PLEKHB1: variants seen among roughly 807,000 people sequenced by gnomAD.
PLEKHB1 encodes pleckstrin homology domain-containing family B member 1.
In PLEKHB1, 29 loss-of-function variants were observed where a neutral mutation model predicts 36.2. The ratio of observed to expected loss-of-function variants is 0.80; its 90% CI spans 0.60 to 1.09. The LOEUF (loss-of-function observed/expected upper bound fraction) is 1.09, where lower values mean the gene tolerates loss of function less well. Ranked by LOEUF, PLEKHB1 falls within the 50% of genes least tolerant of loss-of-function variation. The probability of loss-of-function intolerance (pLI) is 0.00; values close to 1 mark genes in which losing one functional copy is unlikely to be tolerated. For synonymous variants in PLEKHB1, 138 were observed against 140.0 expected (o/e 0.99, Z 0.10); for missense variants, 330 against 348.2 (o/e 0.95, Z 0.42).
chr11:73,648,738 G>A (rs1466596141), intron 1 of PLEKHB1: 3 of 1,212,074 alleles, frequency 2.5e-6, no homozygotes, highest in Non-Finnish European at 3.1e-6. Flanking sequence ...CCAGGGAGGA[G>A]GGATATGGCC....
At chr11:73,648,775 C>T in intron 1 of PLEKHB1, 2 of 1,275,168 alleles carry the variant, frequency 1.6e-6, no homozygotes, top group Non-Finnish European at 2.0e-6. Context: ...GGCTGGAATC[C>T]AGGCTCCTGG....
chr11:73,647,658 G>A (rs1944793421), intron 1 of PLEKHB1: 2 of 985,346 alleles, frequency 2.0e-6, no homozygotes, highest in South Asian at 4.7e-5. Context: ...GGCACACAAA[G>A]CGCAGGCGCA....
chr11:73,651,879 G>A lies in PLEKHB1; in HGVS notation c.339G>A (p.Lys113=). The A allele has an allele frequency of 1.2e-6, 2 of 1,613,358 alleles. No individual in the cohort carries two copies. The highest frequency in any genetic ancestry group is 1.7e-6 in the Non-Finnish European group (2 of 1,179,840). The change falls in exon 4 of 8, where the codon AAG becomes AAA. Residue 113 remains lysine (K), a synonymous_variant. Coordinates refer to ENST00000354190, the MANE Select transcript of PLEKHB1 (RefSeq NM_021200.3). The part of the protein sequence containing the change: ...GGRLHLCAET[K]DDALAWKTAL... ...GCCTGCACCTCTGTGCGGAGACCAAGGATGATGCCCTGTGAGTCACTCCCA... is the reference window on the plus strand; with the variant it reads ...GCCTGCACCTCTGTGCGGAGACCAAAGATGATGCCCTGTGAGTCACTCCCA...
At position 73,660,818 on chromosome 11, in the gene PLEKHB1, G is replaced by C. The variant is rs372238494; in HGVS notation, c.561G>C (p.Thr187=). Residue 187 remains threonine, a synonymous_variant, in exon 7 of 8, where the codon ACG becomes ACC. Coordinates refer to ENST00000354190, the MANE Select transcript of PLEKHB1 (RefSeq NM_021200.3). ...EVVPPNAHEA[T]YVRSYYGPPY... ...TGCCCCCCAATGCACACGAGGCCAC[G>C]TATGTCCGCAGCTACTACGGACCGC... 9 of 1,600,760 alleles carry C rather than the reference G, an allele frequency of 5.6e-6. No individual in the cohort carries two copies. In the South Asian group the frequency reaches 9.1e-5, roughly 16 times the overall value.
rs1182494873 is a variant in PLEKHB1, at chr11:73,661,530, C to T, written c.660C>T (p.Ala220=). 1.9e-6 allele frequency: 3 copies of T among 1,612,796 alleles called. No homozygotes were observed. The highest frequency in any genetic ancestry group is 1.1e-5 in the South Asian group (1 of 91,016). The part of the protein sequence containing the change: ...DPCYSAGAPL[A]MGMLAGAATG... ...GCTACAGCGCCGGCGCCCCTCTGGC[C>T]ATGGGCATGCTTGCGGGAGCCGCCA... The change falls in exon 8 of 8, where the codon GCC becomes GCT. Residue 220 remains alanine (A), a synonymous_variant. Transcript: ENST00000354190. The surrounding 1 kb of genome is among the most constrained non-coding windows in gnomAD (Gnocchi z 4.6).
chr11:73,655,327 G>T (rs1944971578), intron 5 of PLEKHB1, among the ~76,000 whole-genome samples: 1 of 152,164 alleles, frequency 6.6e-6, no homozygotes, highest in African/African-American at 2.4e-5. Flanking sequence ...GCTTCTCTCT[G>T]TAGCCTGTGT....
At position 73,661,893 on chromosome 11, in the gene PLEKHB1, C is replaced by T; in HGVS notation, c.*291C>T. 8.0e-6 allele frequency: 3 copies of T among 374,034 alleles called. No homozygotes were observed. Among genetic ancestry groups the T allele is most frequent in the Non-Finnish European group, 1.5e-5 (3 of 206,408 alleles). 23.2% of individuals were successfully genotyped at this position (374,034 alleles called of 1,614,324 possible). On this transcript the variant is annotated 3_prime_UTR_variant, in exon 8 of 8. Transcript: ENST00000354190. This position sits in a 1 kb window ranked among gnomAD's most constrained non-coding sequence, Gnocchi z 4.6. ...TTCCTCTAAACACAACAGGGCACAG[C>T]AAATACGACTTCATTTGGCTTCGAG...
At chr11:73,657,634 G>A (rs563789206) in intron 6 of PLEKHB1, among the ~76,000 whole-genome samples, 1 of 152,260 alleles carries the variant, frequency 6.6e-6, no homozygotes, top group African/African-American at 2.4e-5. Context: ...AGGTGCCCTC[G>A]AGGGATATGG....
intron 4 of PLEKHB1, 111 bp from the exon 5 acceptor site, chr11:73,652,864 A>T: frequency 1.1e-6 from 1 of 899,672 alleles, no homozygotes; most frequent in Non-Finnish European, 1.7e-6. Flanking sequence ...CTCTCCTTTC[A>T]TGAGAGACTT....
At chr11:73,646,733 C>T in intron 1 of PLEKHB1, 107 bp downstream of exon 1, 1 of 1,199,352 alleles carries the variant, frequency 8.3e-7, no homozygotes, top group Non-Finnish European at 1.2e-6. Flanking sequence ...ATCCTCTGGT[C>T]TCTGAATGAC....
chr11:73,648,978 C>A (rs1453693302), intron 1 of PLEKHB1, 34 bp from the exon 2 acceptor site: 2 of 1,566,950 alleles, frequency 1.3e-6, no homozygotes, highest in Non-Finnish European at 1.7e-6. Context: ...GGAGCTGCTG[C>A]TGAGGCCTGT....
At position 73,661,035 on chromosome 11, in the gene PLEKHB1, G is replaced by A. The variant is rs1945102956; in HGVS notation, c.595+183G>A. The A allele has an allele frequency of 3.1e-6, 2 of 649,900 alleles. No homozygotes were observed. Among genetic ancestry groups the A allele is most frequent in the Non-Finnish European group, 5.3e-6 (2 of 374,762 alleles). 40.3% of individuals were successfully genotyped at this position (649,900 alleles called of 1,614,324 possible). ...TGGGAGAGCTCTGGAACCAGCGTTCGTCTCGAGCTGACCTCACCCTTCTGG... is the reference window on the plus strand; with the variant it reads ...TGGGAGAGCTCTGGAACCAGCGTTCATCTCGAGCTGACCTCACCCTTCTGG... On this transcript the variant is annotated intron_variant, in intron 7 of 7. Transcript: ENST00000354190. The surrounding 1 kb of genome is among the most constrained non-coding windows in gnomAD (Gnocchi z 4.6).
At chr11:73,651,681 C>G (rs1944897541) in intron 3 of PLEKHB1, 107 bp from the exon 4 acceptor site, 1 of 838,304 alleles carries the variant, frequency 1.2e-6, no homozygotes, top group Admixed American at 2.1e-5. Flanking sequence ...TTGGCAGTGG[C>G]CAGTAAACAG....
At chr11:73,659,574 T>G (rs1945062409) in intron 6 of PLEKHB1, among the ~76,000 whole-genome samples, 2 of 152,104 alleles carry the variant, frequency 1.3e-5, no homozygotes, top group Non-Finnish European at 2.9e-5. Context: ...AGCTCACATT[T>G]GGGCTGCAAG....
intron 2 of PLEKHB1, among the ~76,000 whole-genome samples, chr11:73,649,392 C>T (rs1018472252): frequency 2.0e-5 from 3 of 152,086 alleles, no homozygotes; most frequent in African/African-American, 4.8e-5. Context: ...TCGGTTTTCA[C>T]GGCGCCTTAC....
rs774178155 is a variant in PLEKHB1, at chr11:73,649,016, C to T, written c.23C>T (p.Pro8Leu). The change falls in exon 2 of 8, where the codon CCG becomes CTG. Residue 8 changes from proline (P) to leucine (L), a missense_variant. Physicochemically the swap from Pro to Leu is moderately conservative, Grantham distance 98. Coordinates refer to ENST00000354190, the MANE Select transcript of PLEKHB1 (RefSeq NM_021200.3). MSPAAPVPPDSALESPFE... is the reference protein window; with the variant it reads MSPAAPVLPDSALESPFE... ...CTCCCGTGGCTCCTCTGACAGGTCC[C>T]GCCTGACTCCGCTCTGGAAAGTCCT... The T allele has an allele frequency of 6.3e-6, 10 of 1,592,002 alleles. No homozygotes were observed. Among genetic ancestry groups the T allele is most frequent in the East Asian group, 2.3e-5 (1 of 43,858 alleles).
chr11:73,651,153 C>T (rs12361257), intron 3 of PLEKHB1, among the ~76,000 whole-genome samples: 19,096 of 151,652 alleles, frequency 0.13, 1,434 homozygotes, highest in South Asian at 0.31. Context: ...AGTTCAAGAC[C>T]AGCCTGGGCA....
intron 5 of PLEKHB1, among the ~76,000 whole-genome samples, chr11:73,655,252 T>C (rs1276570278): frequency 6.6e-6 from 1 of 152,168 alleles, no homozygotes; most frequent in Admixed American, 6.5e-5. Flanking sequence ...TGCCCGGGCT[T>C]ACTAGAGTCG....
At chr11:73,659,444 C>T (rs1271963305) in intron 6 of PLEKHB1, among the ~76,000 whole-genome samples, 3 of 152,062 alleles carry the variant, frequency 2.0e-5, no homozygotes, top group African/African-American at 7.3e-5. Flanking sequence ...CAGGTCTGCT[C>T]CCCCATGGGT....
Sources: allele counts gnomAD v4.1 joint callset (sites outside exome capture counted in the v4.1 genomes callset), GRCh38; gene constraint gnomAD v4.1.1; non-coding constraint Gnocchi (gnomAD v3.1); transcripts MANE v1.5; gene names NCBI Gene and HGNC (gene_info 2026-07-23, HGNC 2026-07-21).